Variants in TTC27 observed in about 807,000 individuals in gnomAD.
The protein encoded by TTC27 is tetratricopeptide repeat domain 27.
Under a neutral mutation model 115.9 loss-of-function variants are expected in TTC27, and 79 were observed. The ratio of observed to expected loss-of-function variants is 0.68; its 90% CI spans 0.57 to 0.82. The LOEUF is 0.82. Among genes scored for constraint, TTC27 ranks in the 40% least tolerant of loss-of-function variants. The pLI is 0.00. For missense variants in TTC27, 1,054 were observed against 993.1 expected (o/e 1.06, Z -0.82); for synonymous variants, 401 against 356.0 (o/e 1.13, Z -1.42).
chr2:32,756,690 G>T (rs528419208), intron 12 of TTC27, among the ~76,000 whole-genome samples: 4 of 152,194 alleles, frequency 2.6e-5, no homozygotes, highest in Admixed American at 1.3e-4. Flanking sequence ...GCCAACTGAT[G>T]TATGTTAGGG....
chr2:32,647,840 C>A (rs543942399), intron 4 of TTC27, among the ~76,000 whole-genome samples: 2 of 152,108 alleles, frequency 1.3e-5, no homozygotes, highest in African/African-American at 4.8e-5. Flanking sequence ...TGTACTGAGA[C>A]CCCATCTCAA....
chr2:32,787,249 T>G, intron 16 of TTC27, 100 bp downstream of exon 16: 1 of 1,306,352 alleles, frequency 7.7e-7, no homozygotes, highest in Admixed American at 2.4e-5. Flanking sequence ...AAAATTTTGT[T>G]AAACACATGT....
rs191018395 is a variant in TTC27, at chr2:32,659,068, G to T, written c.641-5235G>T. The stretch of plus-strand genomic sequence containing the variant: ...CAGCCTTGAACTTTTGGGTTCAAAT[G>T]ATCCTCCCGTCTCAGCCTCCTGAGT... On this transcript the variant is annotated intron_variant, in intron 5 of 19. Transcript: ENST00000317907. 2.0e-5 allele frequency among the ~76,000 whole-genome samples: 3 copies of T among 152,214 alleles called. No homozygotes were observed. The East Asian group carries it at 5.8e-4, about 29-fold the overall frequency.
chr2:32,731,270 G>A (rs918162675), intron 10 of TTC27, among the ~76,000 whole-genome samples: 1 of 152,074 alleles, frequency 6.6e-6, no homozygotes, highest in Admixed American at 6.5e-5. Context: ...TGTATTTTTA[G>A]TAGACACGGG....
intron 18 of TTC27, among the ~76,000 whole-genome samples, 162 bp downstream of exon 18, chr2:32,812,777 A>C (rs1671360795): frequency 6.6e-6 from 1 of 152,252 alleles, no homozygotes; most frequent in East Asian, 1.9e-4. Context: ...TAGACCACCT[A>C]CTATGTAATA....
intron 16 of TTC27, among the ~76,000 whole-genome samples, chr2:32,799,103 AG>A (rs1391718645): frequency 1.3e-5 from 2 of 152,330 alleles, no homozygotes; most frequent in East Asian, 3.9e-4. Context: ...AACCTGGAGG[AG>A]GTTTATGTTA....
At chr2:32,695,853 G>T (rs1003047694) in intron 9 of TTC27, among the ~76,000 whole-genome samples, 1 of 150,802 alleles carries the variant, frequency 6.6e-6, no homozygotes, top group African/African-American at 2.4e-5. Context: ...GCAGTGAACC[G>T]AGATGGCGCC....
At chr2:32,788,269 C>T (rs1380867270) in intron 16 of TTC27, among the ~76,000 whole-genome samples, 3 of 152,268 alleles carry the variant, frequency 2.0e-5, no homozygotes, top group Middle Eastern at 3.4e-3. Context: ...AAATCCAACA[C>T]TCCTCATTTA....
At chr2:32,744,983 GT>G (rs1350287412) in intron 12 of TTC27, among the ~76,000 whole-genome samples, 1 of 138,420 alleles carries the variant, frequency 7.2e-6, no homozygotes, top group Non-Finnish European at 1.5e-5. Context: ...GGGAGGTGGA[GT>G]TTGCAGTGGG....
intron 16 of TTC27, 114 bp from the exon 17 acceptor site, chr2:32,810,907 TAAC>T: frequency 5.1e-6 from 6 of 1,170,956 alleles, no homozygotes; most frequent in Non-Finnish European, 7.3e-6. Flanking sequence ...GTGATACTCT[TAAC>T]AAGTTTCATA....
chr2:32,814,084 T>C (rs1671403549), intron 18 of TTC27, among the ~76,000 whole-genome samples: 1 of 152,220 alleles, frequency 6.6e-6, no homozygotes, highest in African/African-American at 2.4e-5. Flanking sequence ...GGATTTACTT[T>C]GAAAAATTTA....
rs528246335 is a variant in TTC27 at position 32,809,209 on chromosome 2, G to C, written c.1999-1815G>C. Among the ~76,000 whole-genome samples the C allele has an allele frequency of 2.6e-5, 4 of 152,316 alleles. No individual in the cohort carries two copies. In the East Asian group the frequency reaches 7.7e-4, roughly 29 times the overall value. On this transcript the variant is annotated intron_variant, in intron 16 of 19. Coordinates refer to ENST00000317907, the MANE Select transcript of TTC27 (RefSeq NM_017735.5). ...CTCATGCACGGATCAGAATGTTCTA[G>C]GAGGAGACAGCAAGATCTCACACTG...
chr2:32,769,468 A>C (rs1669755963), intron 13 of TTC27, among the ~76,000 whole-genome samples: 1 of 152,234 alleles, frequency 6.6e-6, no homozygotes, highest in Non-Finnish European at 1.5e-5. Flanking sequence ...GATGAGAGAC[A>C]AATGTAGAGT....
rs745448419 is a variant in TTC27 at position 32,633,990 on chromosome 2, C to A, written c.381C>A (p.Phe127Leu). The A allele has an allele frequency of 6.2e-7, 1 of 1,613,102 alleles. No homozygotes were observed. The highest frequency in any genetic ancestry group is 1.7e-5 in the Admixed American group (1 of 59,966). Residue 127 changes from phenylalanine to leucine, a missense_variant, in exon 3 of 20, where the codon TTC becomes TTA. Coordinates refer to ENST00000317907, the MANE Select transcript of TTC27 (RefSeq NM_017735.5). ...AGGACTTTTTGTCATCTGTTTTGTTCCAGCAATTCAGTGAGGTATGCTTCT... is the reference window on the plus strand; with the variant it reads ...AGGACTTTTTGTCATCTGTTTTGTTACAGCAATTCAGTGAGGTATGCTTCT... ...HPQDFLSSVL[F>L]QQFSEVKGLD...
chr2:32,630,191 C>A (rs1290406093), intron 1 of TTC27, among the ~76,000 whole-genome samples: 1 of 152,058 alleles, frequency 6.6e-6, no homozygotes, highest in Non-Finnish European at 1.5e-5. Flanking sequence ...AGTTTTAGAA[C>A]CTTGACTAAG....
chr2:32,756,895 T>C (rs1367130642), intron 12 of TTC27, among the ~76,000 whole-genome samples: 1 of 152,164 alleles, frequency 6.6e-6, no homozygotes, highest in Non-Finnish European at 1.5e-5. Context: ...ATGGTGGACA[T>C]GGTGGTGGGA....
rs548377537 is a variant in TTC27, at chr2:32,756,228, G to A, written c.1453-2064G>A. Among the ~76,000 whole-genome samples, 8 of 152,380 alleles carry A rather than the reference G, an allele frequency of 5.3e-5. No individual in the cohort carries two copies. The East Asian group carries it at 5.8e-4, about 11-fold the overall frequency. On this transcript the variant is annotated intron_variant, in intron 12 of 19. Transcript: ENST00000317907. ...TGGCCTCCAGAATTTCTGGGGTGAC[G>A]TGGGTACCATACCGTCAGTATCGGG...
At chr2:32,680,611 C>G (rs1274459485) in intron 9 of TTC27, among the ~76,000 whole-genome samples, 1 of 151,996 alleles carries the variant, frequency 6.6e-6, no homozygotes, top group Non-Finnish European at 1.5e-5. Flanking sequence ...TCTGGAATGG[C>G]TGTGAGCTTG....
intron 12 of TTC27, among the ~76,000 whole-genome samples, chr2:32,748,033 C>G (rs1417779629): frequency 6.6e-6 from 1 of 151,282 alleles, no homozygotes; most frequent in Non-Finnish European, 1.5e-5. Flanking sequence ...TTTCTAGTTA[C>G]TTTTGGTGGA....
Sources: gnomAD v4.1 joint callset for allele counts (sites outside exome capture counted in the v4.1 genomes callset) on GRCh38, gnomAD v4.1.1 for gene constraint, MANE v1.5 for transcripts, NCBI Gene and HGNC (gene_info 2026-07-23, HGNC 2026-07-21) for gene names.